The following AARS2 variants were observed in gnomAD, a reference collection of about 807,000 sequenced individuals.
The protein encoded by AARS2 is alanine--tRNA ligase, mitochondrial.
A neutral mutation model predicts 119.7 loss-of-function variants in AARS2; 78 were observed. The observed-to-expected ratio is 0.65, with a 90% confidence interval of 0.54 to 0.79. AARS2 has a LOEUF of 0.79. Ranked by LOEUF, AARS2 falls within the 30% of genes least tolerant of loss-of-function variation. AARS2 has a pLI of 0.00. For synonymous variants in AARS2, 502 were observed against 526.3 expected, an observed-to-expected ratio of 0.95 and a Z score of 0.63; for missense variants, 1,157 against 1,291.3, an observed-to-expected ratio of 0.90 and a Z score of 1.59.
In AARS2 at chr6:44,311,381, C is replaced by G; in HGVS notation, c.581+9G>C. 6.2e-7 allele frequency: 1 copy of G among 1,614,192 alleles called. No individual in the cohort carries two copies. The highest frequency in any genetic ancestry group is 8.5e-7 in the Non-Finnish European group (1 of 1,180,028). On this transcript the variant is annotated intron_variant, in intron 3 of 21. Coordinates refer to ENST00000244571, the MANE Select transcript of AARS2 (RefSeq NM_020745.4). The stretch of plus-strand genomic sequence containing the variant: ...TCCAGGAATGAACATAAGAAGGGGG[C>G]TGACTTACCCTAAGCTCAGCCAGAT...
At chr6:44,300,781 T>G (rs188305976) in intron 21 of AARS2, 70 bp from the exon 22 acceptor site, 9 of 1,562,794 alleles carry the variant, frequency 5.8e-6, no homozygotes, top group Non-Finnish European at 7.8e-6. Context: ...CAAGGTACCC[T>G]CAAGAGTGGA....
Position 44,301,245 on chromosome 6 carries a change from G to T in AARS2, c.2704C>A (p.Gln902Lys). 1.2e-6 allele frequency: 2 copies of T among 1,613,894 alleles called. No homozygotes were observed. The highest frequency in any genetic ancestry group is 1.7e-6 in the Non-Finnish European group (2 of 1,179,998). Residue 902 changes from glutamine to lysine, a missense_variant, in exon 21 of 22, where the codon CAG (glutamine) becomes AAG (lysine). Physicochemically the swap from Gln to Lys is moderately conservative, Grantham distance 53. Transcript: ENST00000244571. ...GTGCTGGGGGCCTGCTCACACAGCT[G>T]CCGTACCACCTTCACCAGCACCTGG... Reference protein sequence around the residue: ...SLSVLVKVVRQLCEQAPSTSV... With the variant: ...SLSVLVKVVRKLCEQAPSTSV...
Position 44,304,663 on chromosome 6 carries a change from C to G in AARS2, c.1734G>C (p.Leu578=). ...QGGQASDRGY[L]VRAGQEDVLF... ...GACTCACCTCTTGCCCTGCCCGCAC[C>G]AGGTAGCCACGGTCTGAAGCCTGGC... The change falls in exon 12 of 22, where the codon CTG becomes CTC. Residue 578 remains leucine (L), a synonymous_variant. Coordinates refer to ENST00000244571, the MANE Select transcript of AARS2 (RefSeq NM_020745.4). The G allele has an allele frequency of 6.2e-7, 1 of 1,614,230 alleles. No individual in the cohort carries two copies. Among genetic ancestry groups the G allele is most frequent in the Non-Finnish European group, 8.5e-7 (1 of 1,180,048 alleles).
chr6:44,310,545 G>C, intron 4 of AARS2, 102 bp from the exon 5 acceptor site: 1 of 1,463,146 alleles, frequency 6.8e-7, no homozygotes, highest in African/African-American at 1.4e-5. Flanking sequence ...CAAGGGAGCT[G>C]ACAGTGGGAG....
In AARS2 at chr6:44,307,221, G is replaced by A. The variant is rs78552484; in HGVS notation, c.1040+28C>T. 3,535 of 1,613,628 alleles carry A rather than the reference G, an allele frequency of 2.2e-3. 67 individuals carry two copies. In the African/African-American group the frequency reaches 0.041, roughly 19 times the overall value. Reference sequence around the variant, plus strand: ...CCACCTGAGACCCCCAGCAGCCCCTGTCCTCTCTGTAGCCCTTCCAGACTC... The same window carrying A: ...CCACCTGAGACCCCCAGCAGCCCCTATCCTCTCTGTAGCCCTTCCAGACTC... On this transcript the variant is annotated intron_variant, in intron 6 of 21. Transcript: ENST00000244571. The surrounding 1 kb of genome is among the most constrained non-coding windows in gnomAD (Gnocchi z 4.4).
At chr6:44,303,572 CT>C in intron 14 of AARS2, 149 bp from the exon 15 acceptor site, 1 of 1,239,274 alleles carries the variant, frequency 8.1e-7, no homozygotes. Flanking sequence ...TAAACACTAC[CT>C]GAGCAGACAA....
intron 5 of AARS2, among the ~76,000 whole-genome samples, chr6:44,310,071 A>G (rs1786214099): frequency 1.3e-5 from 2 of 152,238 alleles, no homozygotes; most frequent in Admixed American, 1.3e-4. Flanking sequence ...ACATAAAGTA[A>G]GCACTCAACA....
chr6:44,301,439 AGCAGCTCCTGAG>A lies in AARS2; in HGVS notation c.2612_2623del (p.Thr871_Leu875delinsMet). 1.9e-6 allele frequency: 3 copies of A among 1,613,730 alleles called. No individual in the cohort carries two copies. Among genetic ancestry groups the A allele is most frequent in the Non-Finnish European group, 2.5e-6 (3 of 1,180,026 alleles). On this transcript the variant is annotated inframe_deletion, in exon 20 of 22. Coordinates refer to ENST00000244571, the MANE Select transcript of AARS2 (RefSeq NM_020745.4). ...CAGAGGCCCCTTCGAGTGCCGCTCC[AGCAGCTCCTGAG>A]TTTTCTTTGCAGCCTATGGGGCAGG...
rs370481312 is a variant in AARS2, at chr6:44,304,455, G to A, written c.1831C>T (p.Arg611Trp). 8.7e-6 allele frequency: 14 copies of A among 1,614,060 alleles called. No homozygotes were observed. The highest frequency in any genetic ancestry group is 1.3e-5 in the African/African-American group (1 of 74,906). The change falls in exon 13 of 22, where the codon CGG becomes TGG. Residue 611 changes from arginine to tryptophan, a missense_variant. By Grantham distance (101) the Arg-to-Trp change is moderately radical. Coordinates refer to ENST00000244571, the MANE Select transcript of AARS2 (RefSeq NM_020745.4). ...TGCAGCTGCACCTGGTCCCCTAACC[G>A]CAGGCACTCAGGGGCTACTGCCTCA... ...LHEAVAPECL[R>W]LGDQVQLHVD... is the part of the protein sequence containing the mutation.
intron 2 of AARS2, 147 bp from the exon 3 acceptor site, chr6:44,311,682 T>A: frequency 9.8e-7 from 1 of 1,023,588 alleles, no homozygotes; most frequent in Non-Finnish European, 1.4e-6. Flanking sequence ...CCATGAACCA[T>A]TACTGCCTCT....
chr6:44,312,165 G>A lies in AARS2; in HGVS notation c.342C>T (p.His114=), dbSNP rs779564298. 7 of 1,614,112 alleles carry A rather than the reference G, an allele frequency of 4.3e-6. No homozygotes were observed. In the South Asian group the frequency reaches 4.4e-5, roughly 10 times the overall value. ...NSQKCVRAGG[H]HNDLEDVGRD... ...GACCCACATCTTCCAGGTCGTTATG[G>A]TGTCCTCCAGCTCTCACACATTTCT... is the stretch of plus-strand genomic sequence containing the variant. Residue 114 remains histidine (H), a synonymous_variant, in exon 2 of 22, where the codon CAC becomes CAT. Coordinates refer to ENST00000244571, the MANE Select transcript of AARS2 (RefSeq NM_020745.4).
At position 44,313,270 on chromosome 6, in the gene AARS2, C is replaced by A; in HGVS notation, c.54G>T (p.Arg18Ser). Reference sequence around the variant, plus strand: ...GGCTGAGGCCCCGCCATGCGGGCGACCTTCGAATGGCCCGCCGCAGCCTCC... The same window carrying A: ...GGCTGAGGCCCCGCCATGCGGGCGAACTTCGAATGGCCCGCCGCAGCCTCC... Reference protein sequence around the residue: ...AARRLRRAIRRSPAWRGLSHR... With the variant: ...AARRLRRAIRSSPAWRGLSHR... The change falls in exon 1 of 22, where the codon AGG (arginine) becomes AGT (serine). Residue 18 changes from arginine to serine, a missense_variant. Transcript: ENST00000244571. 2 of 1,597,972 alleles carry A rather than the reference C, an allele frequency of 1.3e-6. No individual in the cohort carries two copies. The highest frequency in any genetic ancestry group is 1.7e-6 in the Non-Finnish European group (2 of 1,175,926).
At position 44,301,975 on chromosome 6, in the gene AARS2, AC is replaced by A. The variant is rs878861704; in HGVS notation, c.2598+84del. 3.6e-5 allele frequency: 51 copies of A among 1,404,858 alleles called. No individual in the cohort carries two copies. The South Asian group carries it at 5.8e-4, about 16-fold the overall frequency. The allele number at this position is 1,404,858 out of a possible 1,614,324, so 87.0% of individuals were successfully genotyped here. On this transcript the variant is annotated intron_variant, in intron 19 of 21. Coordinates refer to ENST00000244571, the MANE Select transcript of AARS2 (RefSeq NM_020745.4). ...CCCGTCCTTGCACAGCCTCTGACTC[AC>A]CCCCATGCCCCAGCCCTTGAGACTT...
intron 3 of AARS2, 98 bp from the exon 4 acceptor site, chr6:44,311,259 A>G: frequency 6.2e-7 from 1 of 1,600,886 alleles, no homozygotes. Flanking sequence ...CAGCTCAGCA[A>G]GAGGAGGAAC....
At position 44,302,923 on chromosome 6, in the gene AARS2, G is replaced by A. The variant is rs764640397; in HGVS notation, c.2256-13C>T. The A allele has an allele frequency of 3.7e-6, 6 of 1,612,994 alleles. No homozygotes were observed. In the South Asian group the frequency reaches 5.5e-5, roughly 15 times the overall value. On this transcript the variant is annotated splice_polypyrimidine_tract_variant and intron_variant, in intron 16 of 21. Transcript: ENST00000244571. ...ACGTAACAGGTGCCTGTGGGAGGAA[G>A]GAGTGAACAGAAAGTCGGGGCATGA...
Position 44,303,090 on chromosome 6 carries a change from G to T in AARS2, c.2231C>A (p.Thr744Asn), listed in dbSNP as rs369747415. ...CGTCCCACAGCATAGCTCCACAGAG[G>T]TCTGCAGTGCGGCTTGGGAGGCTGG... is the stretch of plus-strand genomic sequence containing the variant. ...LDPASQAALQ[T>N]SVELCCGTHL... Residue 744 changes from threonine (T) to asparagine (N), a missense_variant, in exon 16 of 22, where the codon ACC becomes AAC. Coordinates refer to ENST00000244571, the MANE Select transcript of AARS2 (RefSeq NM_020745.4). 1 of 1,614,082 alleles carries T rather than the reference G, an allele frequency of 6.2e-7. No individual in the cohort carries two copies. Among genetic ancestry groups the T allele is most frequent in the Non-Finnish European group, 8.5e-7 (1 of 1,180,026 alleles).
intron 18 of AARS2, 24 bp from the exon 19 acceptor site, chr6:44,302,194 C>T (rs1785414504): frequency 1.9e-6 from 3 of 1,613,410 alleles, no homozygotes; most frequent in Non-Finnish European, 2.5e-6. Flanking sequence ...CAGTACATCA[C>T]CCCTGCCCTT....
At chr6:44,304,845 G>A (rs1195459783) in intron 11 of AARS2, 28 bp from the exon 12 acceptor site, 3 of 1,613,838 alleles carry the variant, frequency 1.9e-6, no homozygotes, top group Non-Finnish European at 8.5e-7. Flanking sequence ...GGTTATTAGT[G>A]GTGGGCAGGG....
intron 19 of AARS2, 90 bp downstream of exon 19, chr6:44,301,970 G>T: frequency 1.5e-6 from 2 of 1,363,870 alleles, no homozygotes; most frequent in Non-Finnish European, 1.0e-6. Context: ...CACAGCCTCT[G>T]ACTCACCCCC....
Sources: allele counts gnomAD v4.1 joint callset (sites outside exome capture counted in the v4.1 genomes callset), GRCh38; gene constraint gnomAD v4.1.1; non-coding constraint Gnocchi (gnomAD v3.1); transcripts MANE v1.5; gene names NCBI Gene and HGNC (gene_info 2026-07-23, HGNC 2026-07-21).